Variants in COL4A4 observed in about 807,000 individuals in gnomAD.
COL4A4 encodes collagen alpha-4(IV) chain.
COL4A4 carries 105 observed loss-of-function variants against 192.9 expected under a neutral mutation model. The observed-to-expected ratio is 0.54, with a 90% CI of 0.46 to 0.64. The LOEUF (loss-of-function observed/expected upper bound fraction) is 0.64, where lower values mean the gene tolerates loss of function less well. Among genes scored for constraint, COL4A4 ranks in the 30% least tolerant of loss-of-function variants. COL4A4 has a pLI of 0.00. For missense variants in COL4A4, 1,967 were observed against 2,169.3 expected (o/e 0.91, Z 1.85); for synonymous variants, 762 against 769.9 (o/e 0.99, Z 0.17).
In COL4A4 at chr2:227,121,112, C is replaced by T; in HGVS notation, c.229G>A (p.Gly77Arg). Residue 77 changes from glycine (G) to arginine (R), a missense_variant, in exon 5 of 48, where the codon GGA becomes AGA. Transcript: ENST00000396625. ...PGPPGPQGPI[G>R]PLGAPGPIGL... is the part of the protein sequence containing the mutation. ...ATGGGTCCTGGGGCTCCCAGGGGTC[C>T]AATTGGACCCTGTGGCCCTGGTGGT... is the stretch of plus-strand genomic sequence containing the variant. The T allele has an allele frequency of 6.2e-7, 1 of 1,614,092 alleles. No homozygotes were observed. Among genetic ancestry groups the T allele is most frequent in the African/African-American group, 1.3e-5 (1 of 75,026 alleles).
the COL4A4 span, among the ~76,000 whole-genome samples, chr2:226,977,910 A>C: frequency 1.3e-5 from 2 of 152,244 alleles, no homozygotes; most frequent in African/African-American, 2.4e-5. Flanking sequence ...AATTTGAACA[A>C]TGTGGTTTTA....
At chr2:227,103,104 TCA>T in intron 14 of COL4A4, 38 bp downstream of exon 14, 1 of 1,506,988 alleles carries the variant, frequency 6.6e-7, no homozygotes, top group Non-Finnish European at 9.0e-7. Context: ...AGATAGTACA[TCA>T]CACAAATGAA....
At chr2:227,113,994 A>T (rs1013005720) in intron 8 of COL4A4, among the ~76,000 whole-genome samples, 10 of 152,182 alleles carry the variant, frequency 6.6e-5, no homozygotes, top group Non-Finnish European at 1.3e-4. Flanking sequence ...TGAGGTGGTC[A>T]CTCAAGAGTT....
intron 44 of COL4A4, among the ~76,000 whole-genome samples, chr2:227,016,436 G>A (rs1328564625): frequency 1.3e-5 from 2 of 152,084 alleles, no homozygotes; most frequent in African/African-American, 4.8e-5. Flanking sequence ...ACAGCCTGTG[G>A]GCCATTTACT....
At chr2:227,162,649 A>T (rs545264739) in intron 1 of COL4A4, among the ~76,000 whole-genome samples, 1 of 152,302 alleles carries the variant, frequency 6.6e-6, no homozygotes, top group South Asian at 2.1e-4. Flanking sequence ...TTATTATTCT[A>T]CTAAGAATAT....
intron 25 of COL4A4, among the ~76,000 whole-genome samples, chr2:227,065,104 C>T (rs1162746372): frequency 6.6e-6 from 1 of 152,206 alleles, no homozygotes; most frequent in South Asian, 2.1e-4. Flanking sequence ...AGTTCCCTTT[C>T]CTAGTCAAAG....
Position 227,121,578 on chromosome 2 carries a change from A to G in COL4A4, c.193-430T>C, listed in dbSNP as rs1230895938. Among the ~76,000 whole-genome samples, 37 of 66,036 alleles carry G rather than the reference A, an allele frequency of 5.6e-4. 1 individual carries two copies. The highest frequency in any genetic ancestry group is 5.5e-3 in the East Asian group (16 of 2,890). The allele number at this position is 66,036 out of a possible 152,430, so 43.3% of individuals were successfully genotyped here. A position where few individuals can be genotyped will look rare whatever the true frequency, so the allele number is the denominator to read the frequency against. On this transcript the variant is annotated intron_variant, in intron 4 of 47. Coordinates refer to ENST00000396625, the MANE Select transcript of COL4A4 (RefSeq NM_000092.5). The stretch of plus-strand genomic sequence containing the variant: ...CCCTATCTCAAAAAAAAAAAAAAAG[A>G]AAAGAAAAGAAAGACAAGAAAAGAT...
chr2:227,081,385 G>C (rs1271868999), intron 23 of COL4A4, among the ~76,000 whole-genome samples: 1 of 152,162 alleles, frequency 6.6e-6, no homozygotes, highest in African/African-American at 2.4e-5. Context: ...CCTGCCCTTG[G>C]ACATCAGTCT....
chr2:227,055,538 T>G (rs767575525), intron 30 of COL4A4, among the ~76,000 whole-genome samples: 1 of 151,786 alleles, frequency 6.6e-6, no homozygotes, highest in Non-Finnish European at 1.5e-5. Flanking sequence ...AAAATAAAAA[T>G]TCCATGCTCT....
rs1179125792 is a variant in COL4A4 at position 227,014,892 on chromosome 2, C to CTTTTT, written c.4217-2600_4217-2596dup. 1.2e-4 allele frequency among the ~76,000 whole-genome samples: 13 copies of CTTTTT among 106,586 alleles called. 1 individual carries two copies. The highest frequency in any genetic ancestry group is 2.6e-4 in the East Asian group (1 of 3,912). The allele number at this position is 106,586 out of a possible 152,430, so 69.9% of individuals were successfully genotyped here. A position where few individuals can be genotyped will look rare whatever the true frequency, so the allele number is the denominator to read the frequency against. ...TACAGGCACGGGCCACCATGCCTGG[C>CTTTTT]TTTTTTTTTTTTTTTTTTTTTTCTG... On this transcript the variant is annotated intron_variant, in intron 44 of 47. Transcript: ENST00000396625.
chr2:227,144,631 G>T, intron 2 of COL4A4, 73 bp from the exon 3 acceptor site: 1 of 1,252,350 alleles, frequency 8.0e-7, no homozygotes, highest in Non-Finnish European at 1.2e-6. Flanking sequence ...AAAGAGTAAA[G>T]GAATTAATTC....
chr2:227,112,177 C>T (rs1576599220), intron 8 of COL4A4, among the ~76,000 whole-genome samples: 2 of 152,258 alleles, frequency 1.3e-5, no homozygotes, highest in East Asian at 3.9e-4. Flanking sequence ...TGAGACTCAA[C>T]CTACTTTAAA....
At chr2:227,024,148 C>T (rs925478600) in intron 43 of COL4A4, among the ~76,000 whole-genome samples, 1 of 152,228 alleles carries the variant, frequency 6.6e-6, no homozygotes, top group East Asian at 1.9e-4. Context: ...TTCTTAACCA[C>T]CTCATCAGAC....
At chr2:227,046,909 C>T (rs1972996382) in intron 35 of COL4A4, among the ~76,000 whole-genome samples, 1 of 151,990 alleles carries the variant, frequency 6.6e-6, no homozygotes, top group African/African-American at 2.4e-5. Flanking sequence ...TATTGAGAAG[C>T]AAAATACTGT....
In COL4A4 at chr2:227,060,116, A is replaced by AAAAC. The variant is rs1553644232; in HGVS notation, c.2164+19_2164+20insGTTT. 6 of 1,330,158 alleles carry AAAAC rather than the reference A, an allele frequency of 4.5e-6. No homozygotes were observed. Among genetic ancestry groups the AAAAC allele is most frequent in the Non-Finnish European group, 6.3e-6 (6 of 957,454 alleles). The allele number at this position is 1,330,158 out of a possible 1,614,324, so 82.4% of individuals were successfully genotyped here. A position where few individuals can be genotyped will look rare whatever the true frequency, so the allele number is the denominator to read the frequency against. Reference sequence around the variant, plus strand: ...TCCCAAAGCAGAAAAAAAAAAAAAAAAAAAAAAAACCTCACTGACCAGGTG... The same window carrying AAAAC: ...TCCCAAAGCAGAAAAAAAAAAAAAAAAAACAAAAAAAAACCTCACTGACCAGGTG... On this transcript the variant is annotated intron_variant, in intron 27 of 47. Transcript: ENST00000396625.
Position 227,025,812 on chromosome 2 carries a change from TAGA to T in COL4A4, c.4082-5_4082-3del. The T allele has an allele frequency of 2.5e-6, 4 of 1,613,076 alleles. No homozygotes were observed. Among genetic ancestry groups the T allele is most frequent in the Non-Finnish European group, 3.4e-6 (4 of 1,179,390 alleles). ...TATAGCAAAGCTTACCTCTGGGACC[TAGA>T]GGGATCCAAAGACAACAAACGAGGC... On this transcript the variant is annotated splice_polypyrimidine_tract_variant and splice_region_variant and intron_variant, in intron 42 of 47. Transcript: ENST00000396625.
chr2:227,062,635 G>A (rs748717225), intron 25 of COL4A4, 37 bp from the exon 26 acceptor site: 2 of 1,410,502 alleles, frequency 1.4e-6, no homozygotes, highest in African/African-American at 2.8e-5. Flanking sequence ...TCACATAACT[G>A]ATAGCCCAGT....
At chr2:227,156,118 G>T (rs1262948586) in intron 1 of COL4A4, among the ~76,000 whole-genome samples, 1 of 152,022 alleles carries the variant, frequency 6.6e-6, no homozygotes, top group Non-Finnish European at 1.5e-5. Flanking sequence ...TAAAAACCCG[G>T]CCGGGTGTGG....
chr2:227,070,646 A>G (rs1385488677), intron 25 of COL4A4, among the ~76,000 whole-genome samples: 1 of 144,346 alleles, frequency 6.9e-6, no homozygotes, highest in Non-Finnish European at 1.5e-5. Flanking sequence ...ACATATTCTC[A>G]CTCATAGGTG....
Sources: gnomAD v4.1 joint callset for allele counts (sites outside exome capture counted in the v4.1 genomes callset) on GRCh38, gnomAD v4.1.1 for gene constraint, MANE v1.5 for transcripts, NCBI Gene and HGNC (gene_info 2026-07-23, HGNC 2026-07-21) for gene names.